Variants in UNC45B observed in about 807,000 individuals in gnomAD.
The protein encoded by UNC45B is unc-45 myosin chaperone B, also known as protein unc-45 homolog B.
In UNC45B, 78 loss-of-function variants were observed where a neutral mutation model predicts 98.7. The ratio of observed to expected loss-of-function variants is 0.79; its 90% CI spans 0.66 to 0.95. The LOEUF (loss-of-function observed/expected upper bound fraction) is 0.95. UNC45B is among the 40% of genes least tolerant of loss of function. The pLI is 0.00. For missense variants in UNC45B, 1,225 were observed against 1,184.9 expected, an observed-to-expected ratio of 1.03 and a Z score of -0.50; for synonymous variants, 462 against 480.4, an observed-to-expected ratio of 0.96 and a Z score of 0.50.
rs567565984 is a variant in UNC45B, at chr17:35,174,188, C to T, written c.1831-54C>T. 1.7e-4 allele frequency: 267 copies of T among 1,611,254 alleles called. 1 individual carries two copies. The South Asian group carries it at 1.8e-3, about 11-fold the overall frequency. On this transcript the variant is annotated intron_variant, in intron 13 of 19. Transcript: ENST00000394570. Reference sequence around the variant, plus strand: ...AATGCACCATCTTTGGTTCCAATACCGATTGGCCTGGCACCCAGGACCCTC... The same window carrying T: ...AATGCACCATCTTTGGTTCCAATACTGATTGGCCTGGCACCCAGGACCCTC...
chr17:35,171,003 G>A lies in UNC45B; in HGVS notation c.1690-319G>A, dbSNP rs117198646. Among the ~76,000 whole-genome samples the A allele has an allele frequency of 2.2e-3, 334 of 152,130 alleles. 8 individuals are homozygous for A. The East Asian group carries it at 0.037, about 17-fold the overall frequency. On this transcript the variant is annotated intron_variant, in intron 12 of 19. Coordinates refer to ENST00000394570, the MANE Select transcript of UNC45B (RefSeq NM_001267052.2). The stretch of plus-strand genomic sequence containing the variant: ...GAGATTTTCACCAGGACCGGAAAAT[G>A]TCCAGCTCCCACCCCATCTCCAGTT...
At chr17:35,159,869 C>A (rs1226391907) in intron 8 of UNC45B, among the ~76,000 whole-genome samples, 2 of 152,224 alleles carry the variant, frequency 1.3e-5, no homozygotes, top group Non-Finnish European at 2.9e-5. Flanking sequence ...AAATACTTCA[C>A]AGGCCTTTCA....
At chr17:35,170,549 A>G (rs2142569378) in intron 12 of UNC45B, among the ~76,000 whole-genome samples, 1 of 151,658 alleles carries the variant, frequency 6.6e-6, no homozygotes, top group African/African-American at 2.4e-5. Context: ...AAAAAAAAAA[A>G]AAAAAGCAGG....
At chr17:35,153,733 A>G (rs1023608036) in intron 5 of UNC45B, among the ~76,000 whole-genome samples, 3 of 148,208 alleles carry the variant, frequency 2.0e-5, no homozygotes, top group Admixed American at 1.4e-4. Context: ...TTGGAAAAGT[A>G]CAAAGCCCTT....
rs1437375098 is a variant in UNC45B at position 35,177,087 on chromosome 17, T to A, written c.2096T>A (p.Ile699Asn). ...KVKAAHALAK[I>N]AAVSNPDIAF... ...AAGGCAGCCCACGCTCTAGCAAAGA[T>A]CGCTGCTGTCTCCAATCCGGACATT... is the stretch of plus-strand genomic sequence containing the variant. The change falls in exon 16 of 20, where the codon ATC (isoleucine) becomes AAC (asparagine). Residue 699 changes from isoleucine to asparagine, a missense_variant. Coordinates refer to ENST00000394570, the MANE Select transcript of UNC45B (RefSeq NM_001267052.2). 1 of 1,614,074 alleles carries A rather than the reference T, an allele frequency of 6.2e-7. No individual in the cohort carries two copies.
chr17:35,171,200 G>T, intron 12 of UNC45B, 122 bp from the exon 13 acceptor site: 2 of 1,270,904 alleles, frequency 1.6e-6, no homozygotes, highest in Non-Finnish European at 2.2e-6. Context: ...CTCAGAATGG[G>T]CCCTACCAGC....
intron 18 of UNC45B, among the ~76,000 whole-genome samples, chr17:35,182,606 A>C (rs2092280895): frequency 6.6e-6 from 1 of 152,086 alleles, no homozygotes; most frequent in East Asian, 1.9e-4. Context: ...GGGGGAATGT[A>C]GTCCATGTAA....
rs1597942868 is a variant in UNC45B at position 35,186,973 on chromosome 17, T to C, written c.*414T>C. 1 of 195,528 alleles carries C rather than the reference T, an allele frequency of 5.1e-6. No homozygotes were observed. Among genetic ancestry groups the C allele is most frequent in the South Asian group, 9.4e-5 (1 of 10,670 alleles). The allele number at this position is 195,528 out of a possible 1,614,324, so 12.1% of individuals were successfully genotyped here. A position where few individuals can be genotyped will look rare whatever the true frequency, so the allele number is the denominator to read the frequency against. On this transcript the variant is annotated 3_prime_UTR_variant, in exon 20 of 20. Coordinates refer to ENST00000394570, the MANE Select transcript of UNC45B (RefSeq NM_001267052.2). ...GGTTAATGCTGTTGTATTTGGATGC[T>C]GATCTGTGCTGTTTTCATGACCTCT... is the stretch of plus-strand genomic sequence containing the variant.
At chr17:35,160,586 C>T (rs1385836028) in intron 8 of UNC45B, among the ~76,000 whole-genome samples, 4 of 152,116 alleles carry the variant, frequency 2.6e-5, no homozygotes, top group Non-Finnish European at 4.4e-5. Flanking sequence ...ACCACAGGCA[C>T]GAACCATCAT....
Position 35,148,442 on chromosome 17 carries a change from G to A in UNC45B, c.168+11G>A. The A allele has an allele frequency of 1.2e-6, 2 of 1,612,958 alleles. No individual in the cohort carries two copies. The highest frequency in any genetic ancestry group is 2.2e-5 in the South Asian group (2 of 91,004). ...TGTGGCCTGAAAACGGTCTGGGGCA[G>A]GGCAGGGCACAGGGTGGGAGTGAGG... On this transcript the variant is annotated intron_variant, in intron 2 of 19. Coordinates refer to ENST00000394570, the MANE Select transcript of UNC45B (RefSeq NM_001267052.2).
intron 8 of UNC45B, among the ~76,000 whole-genome samples, chr17:35,162,394 A>G (rs917610612): frequency 2.0e-5 from 3 of 152,176 alleles, no homozygotes; most frequent in African/African-American, 7.2e-5. Context: ...TAGGGAGGAA[A>G]CAGAAGTTTT....
rs145332741 is a variant in UNC45B at position 35,176,002 on chromosome 17, C to T, written c.1993C>T (p.Arg665Ter). 1.4e-5 allele frequency: 22 copies of T among 1,613,970 alleles called. No individual in the cohort carries two copies. Among genetic ancestry groups the T allele is most frequent in the Non-Finnish European group, 1.5e-5 (18 of 1,180,020 alleles). Residue 665 changes from arginine (R) to a stop codon, truncating the protein, a stop_gained, in exon 15 of 20, where the codon CGA (arginine) becomes TGA (stop). Coordinates refer to ENST00000394570, the MANE Select transcript of UNC45B (RefSeq NM_001267052.2). LOFTEE classifies it high-confidence loss of function. ...FLALCDNPKD[R>*]GTIVAQGGGK... ...GGCACTGTGTGACAACCCAAAGGAC[C>T]GAGGCACCATTGTGGCTCAAGGTGG...
In UNC45B at chr17:35,154,758, G is replaced by A; in HGVS notation, c.639+17G>A. ...CAAGCCAGAGTAAGTGCCCGGCTGT[G>A]GGGCATGTGGAGCAGACGACTGCTG... On this transcript the variant is annotated intron_variant, in intron 6 of 19. Coordinates refer to ENST00000394570, the MANE Select transcript of UNC45B (RefSeq NM_001267052.2). 6.4e-7 allele frequency: 1 copy of A among 1,561,868 alleles called. No individual in the cohort carries two copies. The highest frequency in any genetic ancestry group is 8.6e-7 in the Non-Finnish European group (1 of 1,160,242).
At chr17:35,160,619 G>T (rs982490689) in intron 8 of UNC45B, among the ~76,000 whole-genome samples, 1 of 152,086 alleles carries the variant, frequency 6.6e-6, no homozygotes, top group African/African-American at 2.4e-5. Flanking sequence ...TTTTTCTTTT[G>T]TAGAGATGTG....
intron 9 of UNC45B, among the ~76,000 whole-genome samples, chr17:35,165,621 C>T (rs1006027057): frequency 6.6e-6 from 1 of 152,126 alleles, no homozygotes. Flanking sequence ...TCTCTGTCAA[C>T]ATATTTTTAA....
At chr17:35,157,867 A>G (rs2092074638) in intron 7 of UNC45B, among the ~76,000 whole-genome samples, 1 of 152,046 alleles carries the variant, frequency 6.6e-6, no homozygotes, top group East Asian at 1.9e-4. Flanking sequence ...TTATTTGTCT[A>G]TAAGAGTTTT....
rs774380262 is a variant in UNC45B, at chr17:35,177,487, C to T, written c.2140-8C>T. 12 of 1,553,768 alleles carry T rather than the reference C, an allele frequency of 7.7e-6. No individual in the cohort carries two copies. The Middle Eastern group carries it at 5.0e-4, about 65-fold the overall frequency. Reference sequence around the variant, plus strand: ...CACCTGACCAAACCCTTGACCCCTCCCCAACAGGTGTATGAGGTGGTGCGG... The same window carrying T: ...CACCTGACCAAACCCTTGACCCCTCTCCAACAGGTGTATGAGGTGGTGCGG... On this transcript the variant is annotated splice_region_variant and splice_polypyrimidine_tract_variant and intron_variant, in intron 16 of 19. Transcript: ENST00000394570.
rs772586332 is a variant in UNC45B, at chr17:35,168,091, G to T, written c.1182G>T (p.Lys394Asn). 6.4e-7 allele frequency: 1 copy of T among 1,558,518 alleles called. No homozygotes were observed. Among genetic ancestry groups the T allele is most frequent in the South Asian group, 1.2e-5 (1 of 82,864 alleles). The change falls in exon 10 of 20, where the codon AAG (lysine) becomes AAT (asparagine). Residue 394 changes from lysine (K) to asparagine (N), a missense_variant. Transcript: ENST00000394570. ...TGKFDPQDMD[K>N]NLNAIQTVSG... ...AGTTTGACCCCCAGGACATGGACAA[G>T]AACTTGAATGCCATCCAGACAGTGT...
At chr17:35,181,326 T>A (rs2092272235) in intron 18 of UNC45B, among the ~76,000 whole-genome samples, 1 of 152,178 alleles carries the variant, frequency 6.6e-6, no homozygotes, top group South Asian at 2.1e-4. Flanking sequence ...TGTGTAATCT[T>A]ATCAGAGATA....
Sources: gnomAD v4.1 joint callset for allele counts (sites outside exome capture counted in the v4.1 genomes callset) on GRCh38, gnomAD v4.1.1 for gene constraint, MANE v1.5 for transcripts, NCBI Gene and HGNC (gene_info 2026-07-23, HGNC 2026-07-21) for gene names.